ZBTB25: variants seen among roughly 807,000 people sequenced by gnomAD.
The protein encoded by ZBTB25 is zinc finger and BTB domain-containing protein 25.
In ZBTB25, 20 loss-of-function variants were observed where a neutral mutation model predicts 34.2. That is an observed-to-expected ratio of 0.58 (90% CI 0.41 to 0.85). The LOEUF (loss-of-function observed/expected upper bound fraction) is 0.85. Ranked by LOEUF, ZBTB25 falls within the 40% of genes least tolerant of loss-of-function variation. The pLI is 0.00. For missense variants in ZBTB25, 437 were observed against 521.8 expected, an observed-to-expected ratio of 0.84 and a Z score of 1.58; for synonymous variants, 175 against 186.4, an observed-to-expected ratio of 0.94 and a Z score of 0.50.
intron 2 of ZBTB25, chr14:64,453,628 G>A: frequency 1.4e-6 from 1 of 697,956 alleles, no homozygotes; most frequent in African/African-American, 1.8e-5. Context: ...ATTTGCTTAT[G>A]TATATGTATA....
In ZBTB25 at chr14:64,480,316, C is replaced by T. The variant is rs1042555851; in HGVS notation, c.*6607G>A. On this transcript the variant is annotated 3_prime_UTR_variant, in exon 3 of 3. Transcript: ENST00000608382. ...CCAGCCTGGGCAACAGAGCAAGACT[C>T]CATCTCAAAAAAAAAAAAAAAAAAA... 12 of 326,852 alleles carry T rather than the reference C, an allele frequency of 3.7e-5. No individual in the cohort carries two copies. Among genetic ancestry groups the T allele is most frequent in the Admixed American group, 9.0e-5 (2 of 22,174 alleles). 20.2% of individuals were successfully genotyped at this position (326,852 alleles called of 1,614,324 possible). A position where few individuals can be genotyped will look rare whatever the true frequency, so the allele number is the denominator to read the frequency against.
chr14:64,463,490 T>C (rs1596582015), intron 2 of ZBTB25: 2 of 152,140 alleles, frequency 1.3e-5, no homozygotes, highest in East Asian at 3.9e-4. Context: ...TAATTTTGTT[T>C]AAAAGAAAGG....
At position 64,485,071 on chromosome 14, in the gene ZBTB25, A is replaced by G; in HGVS notation, c.*1852T>C. The G allele has an allele frequency of 1.0e-6, 1 of 985,440 alleles. No homozygotes were observed. The highest frequency in any genetic ancestry group is 1.7e-5 in the African/African-American group (1 of 57,374). 61.0% of individuals were successfully genotyped at this position (985,440 alleles called of 1,614,324 possible). On this transcript the variant is annotated 3_prime_UTR_variant, in exon 3 of 3. Coordinates refer to ENST00000608382, the MANE Select transcript of ZBTB25 (RefSeq NM_006977.5). ...CTCACTTGTTTAAGGCAGAAACTCA[A>G]CTGCCTTACACAATATCCAGTAGCT...
At chr14:64,454,883 C>T (rs1489680423) in intron 2 of ZBTB25, 2 of 1,613,856 alleles carry the variant, frequency 1.2e-6, no homozygotes, top group South Asian at 1.1e-5. Flanking sequence ...ACGGTAAGTG[C>T]ATGCTGCAAG....
chr14:64,492,117 C>CAAAAAAAAAAAAAAAAAAAAAA (rs58321068), intron 1 of ZBTB25, among the ~76,000 whole-genome samples: 1 of 74,016 alleles, frequency 1.4e-5, no homozygotes, highest in African/African-American at 5.3e-5. Context: ...GACCCTATCT[C>CAAAAAAAAAAAAAAAAAAAAAA]AAAAAAAAAA....
At chr14:64,460,065 C>A in intron 2 of ZBTB25, 1 of 728,838 alleles carries the variant, frequency 1.4e-6, no homozygotes, top group Non-Finnish European at 2.2e-6. Flanking sequence ...CTCTGCCATC[C>A]TTTGTGAGCT....
downstream of ZBTB25, among the ~76,000 whole-genome samples, chr14:64,475,052 A>G (rs1185446485): frequency 6.6e-6 from 1 of 152,226 alleles, no homozygotes; most frequent in Non-Finnish European, 1.5e-5. Context: ...ATACCTTAAA[A>G]GTCCTAAAAC....
rs565835030 is a variant in ZBTB25 at position 64,480,434 on chromosome 14, G to A, written c.*6489C>T. On this transcript the variant is annotated 3_prime_UTR_variant, in exon 3 of 3. Transcript: ENST00000608382. ...CAGTTGGAAAGCATTTGATTAGGACGTCAATTTTCGATTAACACAGATTAT... is the reference window on the plus strand; with the variant it reads ...CAGTTGGAAAGCATTTGATTAGGACATCAATTTTCGATTAACACAGATTAT... The A allele has an allele frequency of 4.0e-5, 14 of 354,370 alleles. No individual in the cohort carries two copies. The highest frequency in any genetic ancestry group is 2.6e-4 in the East Asian group (3 of 11,386). The allele number at this position is 354,370 out of a possible 1,614,324, so 22.0% of individuals were successfully genotyped here.
At chr14:64,462,083 G>A (rs1566583556) in intron 2 of ZBTB25, 1 of 152,146 alleles carries the variant, frequency 6.6e-6, no homozygotes, top group Non-Finnish European at 1.5e-5. Flanking sequence ...ATACTGGTAG[G>A]GGCTGGGCAT....
intron 2 of ZBTB25, among the ~76,000 whole-genome samples, chr14:64,466,229 T>G (rs1343950567): frequency 6.6e-6 from 1 of 152,256 alleles, no homozygotes; most frequent in Non-Finnish European, 1.5e-5. Flanking sequence ...CTACCCTTGC[T>G]GGTTAAGAGC....
intron 1 of ZBTB25, among the ~76,000 whole-genome samples, chr14:64,493,030 T>C (rs1343995851): frequency 6.6e-6 from 1 of 151,506 alleles, no homozygotes; most frequent in African/African-American, 2.4e-5. Context: ...AAAAATAAAA[T>C]GAATAAAATT....
intron 1 of ZBTB25, among the ~76,000 whole-genome samples, chr14:64,500,454 C>CAAAAAAAAAAAAAA (rs374975040): frequency 1.9e-5 from 1 of 52,084 alleles, no homozygotes; most frequent in African/African-American, 8.2e-5. Context: ...CCCAATAAAG[C>CAAAAAAAAAAAAAA]AAAAAAAAAA....
At chr14:64,465,150 A>G (rs2078596883) in intron 2 of ZBTB25, among the ~76,000 whole-genome samples, 1 of 152,200 alleles carries the variant, frequency 6.6e-6, no homozygotes, top group Non-Finnish European at 1.5e-5. Flanking sequence ...GCGACTGTCT[A>G]TAATTTGAAA....
chr14:64,474,784 C>T (rs1346067270), downstream of ZBTB25, among the ~76,000 whole-genome samples: 1 of 152,198 alleles, frequency 6.6e-6, no homozygotes, highest in Admixed American at 6.5e-5. Context: ...TCTTGATATA[C>T]TCATTATTTT....
In ZBTB25 at chr14:64,468,813, A is replaced by C. The variant is rs937849865; in HGVS notation, c.174-19175T>G. 5.6e-6 allele frequency: 9 copies of C among 1,614,108 alleles called. No individual in the cohort carries two copies. The African/African-American group carries it at 1.1e-4, about 19-fold the overall frequency. On this transcript the variant is annotated intron_variant, in intron 2 of 2. Transcript: ENST00000555220. ...TTCCCAAGAGGGCCAAAAAGGAGTA[A>C]TCATTCCAAAATTATAGAAGACTCA...
At chr14:64,504,734 G>A (rs1164768478), upstream of ZBTB25, 1 of 373,358 alleles carries the variant, frequency 2.7e-6, no homozygotes, top group Non-Finnish European at 4.8e-6. Flanking sequence ...TCAGTGCGGT[G>A]CGGCAGGCGC....
Position 64,483,994 on chromosome 14 carries a change from A to G in ZBTB25, c.*2929T>C, listed in dbSNP as rs1267043813. The G allele has an allele frequency of 6.6e-6, 1 of 151,612 alleles. No individual in the cohort carries two copies. Among genetic ancestry groups the G allele is most frequent in the African/African-American group, 2.4e-5 (1 of 41,262 alleles). The allele number at this position is 151,612 out of a possible 1,614,324, so 9.4% of individuals were successfully genotyped here. On this transcript the variant is annotated 3_prime_UTR_variant, in exon 3 of 3. Transcript: ENST00000608382. ...GCCTGCAGAATAAATGAAAACAACA[A>G]TAACAAAAACTGGGGGTCAGTCCCA... is the stretch of plus-strand genomic sequence containing the variant.
intron 1 of ZBTB25, among the ~76,000 whole-genome samples, chr14:64,495,056 A>G (rs908386160): frequency 1.3e-5 from 2 of 152,232 alleles, no homozygotes; most frequent in Non-Finnish European, 2.9e-5. Context: ...GAGCATAGTT[A>G]TAATAGCTGC....
intron 2 of ZBTB25, chr14:64,458,451 TA>T: frequency 1.4e-6 from 1 of 711,320 alleles, no homozygotes; most frequent in Non-Finnish European, 2.6e-6. Context: ...GGAGAGGGGA[TA>T]GTAATGAGAG....
Sources: gnomAD v4.1 joint callset for allele counts (sites outside exome capture counted in the v4.1 genomes callset) on GRCh38, gnomAD v4.1.1 for gene constraint, MANE v1.5 for transcripts, NCBI Gene and HGNC (gene_info 2026-07-23, HGNC 2026-07-21) for gene names.